Variants in PDZD2 observed in about 807,000 individuals in gnomAD.
The protein encoded by PDZD2 is PDZ domain-containing protein 2.
PDZD2 carries 90 observed loss-of-function variants against 220.7 expected under a neutral mutation model. The ratio of observed to expected loss-of-function variants is 0.41; its 90% CI spans 0.34 to 0.49. The LOEUF (loss-of-function observed/expected upper bound fraction) is 0.49, where lower values mean the gene tolerates loss of function less well. PDZD2 is among the 20% of genes least tolerant of loss of function. The pLI, the probability that PDZD2 is intolerant of heterozygous loss-of-function variation, is 0.28. For synonymous variants in PDZD2, 1,375 were observed against 1,450.5 expected, an observed-to-expected ratio of 0.95 and a Z score of 1.18; for missense variants, 3,174 against 3,608.5, an observed-to-expected ratio of 0.88 and a Z score of 3.08.
intron 1 of PDZD2, among the ~76,000 whole-genome samples, chr5:31,752,069 G>GTTTTTTTTTTTTTTTTT (rs1491302993): frequency 2.1e-5 from 2 of 95,858 alleles, no homozygotes; most frequent in Admixed American, 1.5e-4. Flanking sequence ...ATTGTTTTGG[G>GTTTTTTTTTTTTTTTTT]TTTGTTTTTT....
chr5:32,094,167 A>G (rs72743807), intron 21 of PDZD2, among the ~76,000 whole-genome samples: 12,074 of 152,172 alleles, frequency 0.079, 632 homozygotes, highest in East Asian at 0.23. Context: ...GTACAGTTTG[A>G]GCCTGTGTTG....
chr5:31,693,548 C>T (rs1580575598), intron 1 of PDZD2, among the ~76,000 whole-genome samples: 1 of 150,454 alleles, frequency 6.6e-6, no homozygotes. Flanking sequence ...CCGAAAAGCA[C>T]TTTTTTTTTT....
Position 32,109,755 on chromosome 5 carries a change from G to A in PDZD2, c.*1620G>A, listed in dbSNP as rs1406815157. The A allele has an allele frequency of 1.3e-5, 2 of 152,444 alleles. No homozygotes were observed. Among genetic ancestry groups the A allele is most frequent in the African/African-American group, 4.8e-5 (2 of 41,436 alleles). 9.4% of individuals were successfully genotyped at this position (152,444 alleles called of 1,614,324 possible). On this transcript the variant is annotated 3_prime_UTR_variant, in exon 25 of 25. Transcript: ENST00000438447. ...TAACCTACAGCTTGGGTCTATGGCT[G>A]TGACCCCCAGATTCATGGAGGGGCT...
chr5:31,703,860 A>G (rs769801272), intron 1 of PDZD2, among the ~76,000 whole-genome samples: 3 of 152,158 alleles, frequency 2.0e-5, no homozygotes, highest in Admixed American at 6.5e-5. Context: ...GTATAAACAT[A>G]AAGTAAATTT....
At chr5:31,774,378 T>C (rs1225750984) in intron 1 of PDZD2, among the ~76,000 whole-genome samples, 1 of 151,762 alleles carries the variant, frequency 6.6e-6, no homozygotes. Context: ...GTGCAGAGAA[T>C]ACAGGTTCAC....
chr5:31,974,434 A>G (rs1463798871), intron 2 of PDZD2, among the ~76,000 whole-genome samples: 1 of 152,240 alleles, frequency 6.6e-6, no homozygotes, highest in African/African-American at 2.4e-5. Context: ...ATTGGTATCA[A>G]GAATAGAATG....
At chr5:31,938,605 A>C (rs1745957150) in intron 2 of PDZD2, among the ~76,000 whole-genome samples, 1 of 120,336 alleles carries the variant, frequency 8.3e-6, no homozygotes, top group African/African-American at 3.1e-5. Context: ...TCTCTTTTGC[A>C]TACTGAATGC....
At chr5:32,096,427 C>T (rs940461114) in intron 21 of PDZD2, among the ~76,000 whole-genome samples, 2 of 152,162 alleles carry the variant, frequency 1.3e-5, no homozygotes, top group East Asian at 3.9e-4. Flanking sequence ...AAGCGATTCT[C>T]CTGCCTCAGC....
At chr5:31,903,253 C>G in intron 2 of PDZD2, among the ~76,000 whole-genome samples, 1 of 151,518 alleles carries the variant, frequency 6.6e-6, no homozygotes, top group Non-Finnish European at 1.5e-5. Context: ...GAGATCACAC[C>G]ACTGCACTCC....
At chr5:31,884,653 A>G (rs138914551) in intron 2 of PDZD2, among the ~76,000 whole-genome samples, 2 of 151,780 alleles carry the variant, frequency 1.3e-5, no homozygotes, top group East Asian at 3.9e-4. Context: ...CAATGGCGCG[A>G]TCTCGGCTCA....
chr5:32,025,619 T>G (rs1315120988), intron 6 of PDZD2, among the ~76,000 whole-genome samples: 24 of 73,050 alleles, frequency 3.3e-4, no homozygotes, highest in African/African-American at 1.1e-3. Context: ...TTTTTTTTTT[T>G]GGAAACAGTC....
chr5:32,101,213 C>T lies in PDZD2; in HGVS notation c.8327C>T (p.Pro2776Leu). 6.2e-7 allele frequency: 1 copy of T among 1,613,696 alleles called. No homozygotes were observed. Reference sequence around the variant, plus strand: ...AAATCATCGGTGACGGGAGATGGGCCCTTGGTCATTAAAAGAGTGTACAAA... The same window carrying T: ...AAATCATCGGTGACGGGAGATGGGCTCTTGGTCATTAAAAGAGTGTACAAA... ...GGKSSVTGDG[P>L]LVIKRVYKGG... The change falls in exon 24 of 25, where the codon CCC becomes CTC. Residue 2776 changes from proline to leucine, a missense_variant. Pro to Leu is a moderately conservative substitution (Grantham distance 98). Transcript: ENST00000438447.
At position 31,799,539 on chromosome 5, in the gene PDZD2, T is replaced by C. The variant is rs1561469128; in HGVS notation, c.291T>C (p.Gly97=). 1 of 1,613,556 alleles carries C rather than the reference T, an allele frequency of 6.2e-7. No individual in the cohort carries two copies. The highest frequency in any genetic ancestry group is 8.5e-7 in the Non-Finnish European group (1 of 1,179,854). ...ACATCCCTGTTTTCGGGGACTATGG[T>C]GAAAAGCGCAGGGGGGGCAAGAAGA... The part of the protein sequence containing the change: ...FGNIPVFGDY[G]EKRRGGKKRK... Residue 97 remains glycine, a synonymous_variant, in exon 2 of 25, where the codon GGT becomes GGC. Transcript: ENST00000438447.
intron 4 of PDZD2, among the ~76,000 whole-genome samples, chr5:31,999,159 G>A (rs559796970): frequency 4.0e-5 from 6 of 149,446 alleles, no homozygotes; most frequent in African/African-American, 1.5e-4. Context: ...AACAGAAAAT[G>A]TTTGTGTACA....
rs919339065 is a variant in PDZD2, at chr5:31,910,626, C to T, written c.477-72529C>T. ...CAGGCTAGTCTCGGACTCCTGACCT[C>T]GTGATTCACCCACCTCGGCCTCCCA... On this transcript the variant is annotated intron_variant, in intron 2 of 24. Transcript: ENST00000438447. 7.2e-5 allele frequency among the ~76,000 whole-genome samples: 10 copies of T among 139,302 alleles called. 1 individual carries two copies. Among genetic ancestry groups the T allele is most frequent in the Admixed American group, 5.1e-4 (7 of 13,628 alleles). 91.4% of individuals were successfully genotyped at this position (139,302 alleles called of 152,430 possible).
chr5:31,934,318 G>T (rs528296637), intron 2 of PDZD2, among the ~76,000 whole-genome samples: 1 of 152,114 alleles, frequency 6.6e-6, no homozygotes, highest in Non-Finnish European at 1.5e-5. Context: ...TTACCCACAC[G>T]ATCAACTTTC....
intron 2 of PDZD2, among the ~76,000 whole-genome samples, chr5:31,864,846 T>A (rs1442197543): frequency 6.5e-5 from 7 of 108,080 alleles, no homozygotes; most frequent in Non-Finnish European, 1.0e-4. Flanking sequence ...TGTCTTTTTT[T>A]TTTTTTTTTT....
intron 1 of PDZD2, chr5:31,743,982 C>T (rs573634680): frequency 1.3e-5 from 2 of 152,258 alleles, no homozygotes; most frequent in East Asian, 3.9e-4. Flanking sequence ...CTAGTCTTTC[C>T]TTTTCTTCCC....
At chr5:31,713,337 T>C (rs947547418) in intron 1 of PDZD2, among the ~76,000 whole-genome samples, 13 of 152,246 alleles carry the variant, frequency 8.5e-5, no homozygotes, top group African/African-American at 3.1e-4. Context: ...TCTGGATTTC[T>C]ATAACCTTGG....
Sources: gnomAD v4.1 joint callset for allele counts (sites outside exome capture counted in the v4.1 genomes callset) on GRCh38, gnomAD v4.1.1 for gene constraint, MANE v1.5 for transcripts, NCBI Gene and HGNC (gene_info 2026-07-23, HGNC 2026-07-21) for gene names.